Variants in UBE2G1 observed in about 807,000 individuals in gnomAD.
The protein encoded by UBE2G1 is ubiquitin-conjugating enzyme E2 G1.
A neutral mutation model predicts 22.7 loss-of-function variants in UBE2G1; 5 were observed. That is an observed-to-expected ratio of 0.22 (90% confidence interval 0.12 to 0.46). UBE2G1 has a LOEUF of 0.46. Ranked by LOEUF, UBE2G1 falls within the 20% of genes least tolerant of loss-of-function variation. The pLI, the probability that UBE2G1 is intolerant of heterozygous loss-of-function variation, is 0.99. For missense variants in UBE2G1, 88 were observed against 203.9 expected (o/e 0.43, Z 3.46); for synonymous variants, 74 against 67.5 (o/e 1.10, Z -0.47).
At chr17:4,304,398 T>C (rs1312694915) in intron 2 of UBE2G1, among the ~76,000 whole-genome samples, 1 of 151,950 alleles carries the variant, frequency 6.6e-6, no homozygotes, top group African/African-American at 2.4e-5. Flanking sequence ...CTGAAAACAG[T>C]TGGTATACCA....
At chr17:4,354,936 A>G (rs1437238994) in intron 1 of UBE2G1, among the ~76,000 whole-genome samples, 1 of 151,928 alleles carries the variant, frequency 6.6e-6, no homozygotes, top group Non-Finnish European at 1.5e-5. Context: ...GACTTTATCA[A>G]AAGGAAAAAT....
chr17:4,339,716 G>A (rs1969689625), intron 1 of UBE2G1, among the ~76,000 whole-genome samples: 1 of 152,048 alleles, frequency 6.6e-6, no homozygotes, highest in Non-Finnish European at 1.5e-5. Flanking sequence ...GCAGGTGGTG[G>A]CACATGCCTG....
chr17:4,316,862 C>G (rs567543170), intron 1 of UBE2G1, among the ~76,000 whole-genome samples: 85 of 150,616 alleles, frequency 5.6e-4, no homozygotes, highest in Non-Finnish European at 1.1e-3. Flanking sequence ...ACTGTTTGGG[C>G]CCGGAAGTTT....
At chr17:4,348,305 G>C (rs1969804216) in intron 1 of UBE2G1, among the ~76,000 whole-genome samples, 1 of 151,990 alleles carries the variant, frequency 6.6e-6, no homozygotes, top group Non-Finnish European at 1.5e-5. Context: ...TGTAATCCCA[G>C]CACTTTGGGA....
In UBE2G1 at chr17:4,361,334, C is replaced by T. The variant is rs372257253; in HGVS notation, c.46+4937G>A. On this transcript the variant is annotated intron_variant, in intron 1 of 5. Coordinates refer to ENST00000396981, the MANE Select transcript of UBE2G1 (RefSeq NM_003342.5). ...TTGAGGTCAGGAGTTCAAGACCAGC[C>T]TGGCCAACATGGTGAAACCCCATCT... is the stretch of plus-strand genomic sequence containing the variant. 8.9e-4 allele frequency among the ~76,000 whole-genome samples: 136 copies of T among 152,186 alleles called. 1 individual carries two copies. The highest frequency in any genetic ancestry group is 3.1e-3 in the African/African-American group (128 of 41,524).
intron 1 of UBE2G1, among the ~76,000 whole-genome samples, chr17:4,330,810 T>C (rs926389998): frequency 1.3e-5 from 2 of 151,658 alleles, no homozygotes; most frequent in Non-Finnish European, 2.9e-5. Flanking sequence ...GCCAGGCTGG[T>C]TTCAAACTCC....
intron 1 of UBE2G1, among the ~76,000 whole-genome samples, chr17:4,319,158 A>G (rs992762665): frequency 6.6e-6 from 1 of 152,226 alleles, no homozygotes; most frequent in Non-Finnish European, 1.5e-5. Context: ...AAAATGTCAT[A>G]AATCTATAAA....
intron 1 of UBE2G1, among the ~76,000 whole-genome samples, chr17:4,335,698 GTTTC>G (rs755683256): frequency 6.6e-6 from 1 of 152,072 alleles, no homozygotes; most frequent in Non-Finnish European, 1.5e-5. Flanking sequence ...GTACGTCATA[GTTTC>G]TTTGACAGCA....
chr17:4,278,457 C>A (rs1472431118), intron 5 of UBE2G1, among the ~76,000 whole-genome samples: 1 of 150,014 alleles, frequency 6.7e-6, no homozygotes, highest in Non-Finnish European at 1.5e-5. Context: ...AAAAAAAAAT[C>A]TTGATGTTTT....
At chr17:4,346,369 T>C (rs914853165) in intron 1 of UBE2G1, among the ~76,000 whole-genome samples, 5 of 152,068 alleles carry the variant, frequency 3.3e-5, no homozygotes, top group Admixed American at 6.6e-5. Flanking sequence ...ACTTGTTTTG[T>C]ATGGTCCTTC....
intron 1 of UBE2G1, among the ~76,000 whole-genome samples, chr17:4,363,815 G>A (rs1050002099): frequency 6.6e-6 from 1 of 151,728 alleles, no homozygotes; most frequent in African/African-American, 2.4e-5. Flanking sequence ...AGCCGGGCGT[G>A]GTGGCGGGCG....
intron 2 of UBE2G1, among the ~76,000 whole-genome samples, 178 bp from the exon 3 acceptor site, chr17:4,296,992 G>A (rs1969120248): frequency 6.6e-6 from 1 of 152,152 alleles, no homozygotes; most frequent in Non-Finnish European, 1.5e-5. Context: ...AACTGTCATG[G>A]CTATCACATT....
intron 2 of UBE2G1, among the ~76,000 whole-genome samples, chr17:4,304,570 C>T (rs918822024): frequency 9.5e-5 from 12 of 125,798 alleles, no homozygotes; most frequent in African/African-American, 3.1e-4. Flanking sequence ...TGAACGGTAC[C>T]GGTTATCAAT....
chr17:4,301,376 G>A (rs1969177983), intron 2 of UBE2G1: 1 of 552,904 alleles, frequency 1.8e-6, no homozygotes, highest in Admixed American at 2.4e-5. Flanking sequence ...AAGCATGGGT[G>A]CTGCTGGCCC....
In UBE2G1 at chr17:4,366,338, C is replaced by T; in HGVS notation, c.-22G>A. 1 of 1,531,752 alleles carries T rather than the reference C, an allele frequency of 6.5e-7. No individual in the cohort carries two copies. Among genetic ancestry groups the T allele is most frequent in the South Asian group, 1.2e-5 (1 of 83,694 alleles). 94.9% of individuals were successfully genotyped at this position (1,531,752 alleles called of 1,614,324 possible). A position where few individuals can be genotyped will look rare whatever the true frequency, so the allele number is the denominator to read the frequency against. On this transcript the variant is annotated 5_prime_UTR_variant, in exon 1 of 6. Coordinates refer to ENST00000396981, the MANE Select transcript of UBE2G1 (RefSeq NM_003342.5). ...TCATCCTCCCTGCCGAGGGCCCGGG[C>T]TGGCGCCGGGGCTTCCGAAGGGCTG...
chr17:4,343,513 A>AT (rs1969734028), intron 1 of UBE2G1, among the ~76,000 whole-genome samples: 1 of 152,114 alleles, frequency 6.6e-6, no homozygotes. Context: ...TCAAAAAAAA[A>AT]TTTTATGTCC....
At chr17:4,295,556 T>C (rs1313302103) in intron 3 of UBE2G1, among the ~76,000 whole-genome samples, 1 of 152,198 alleles carries the variant, frequency 6.6e-6, no homozygotes, top group Non-Finnish European at 1.5e-5. Flanking sequence ...ATGTTTCTAT[T>C]CCCTGCACCC....
At chr17:4,281,272 G>T (rs532965759) in intron 5 of UBE2G1, among the ~76,000 whole-genome samples, 31 of 152,258 alleles carry the variant, frequency 2.0e-4, no homozygotes, top group African/African-American at 6.7e-4. Context: ...AGCAATAAAA[G>T]TAACAGAAGA....
At chr17:4,273,237 C>G (rs1181845250) in intron 5 of UBE2G1, among the ~76,000 whole-genome samples, 3 of 152,226 alleles carry the variant, frequency 2.0e-5, no homozygotes, top group African/African-American at 7.2e-5. Flanking sequence ...CCTGAATGCT[C>G]ACAATCATCA....
Sources: gnomAD v4.1 joint callset for allele counts (sites outside exome capture counted in the v4.1 genomes callset) on GRCh38, gnomAD v4.1.1 for gene constraint, MANE v1.5 for transcripts, NCBI Gene and HGNC (gene_info 2026-07-23, HGNC 2026-07-21) for gene names.